The following DLGAP1 variants were observed in gnomAD, a reference collection of about 807,000 sequenced individuals.
DLGAP1 encodes the protein disks large-associated protein 1.
A neutral mutation model predicts 90.8 loss-of-function variants in DLGAP1; 11 were observed. The observed-to-expected ratio is 0.12, with a 90% CI of 0.08 to 0.20. The LOEUF is 0.20. DLGAP1 is among the 10% of genes least tolerant of loss of function. The pLI is 1.00. For synonymous variants in DLGAP1, 558 were observed against 540.7 expected (o/e 1.03, Z -0.44); for missense variants, 1,050 against 1,333.8 (o/e 0.79, Z 3.31).
chr18:3,618,512 C>G (rs565919384), intron 7 of DLGAP1, among the ~76,000 whole-genome samples: 1 of 151,018 alleles, frequency 6.6e-6, no homozygotes, highest in African/African-American at 2.4e-5. Context: ...AATAAATAAC[C>G]TGCAGGGAGT....
At chr18:3,579,444 A>C (rs2145343816) in intron 8 of DLGAP1, among the ~76,000 whole-genome samples, 1 of 152,300 alleles carries the variant, frequency 6.6e-6, no homozygotes, top group East Asian at 1.9e-4. Flanking sequence ...TCCCGACCTC[A>C]GGTGACCCAC....
intron 4 of DLGAP1, among the ~76,000 whole-genome samples, chr18:3,828,324 C>A (rs889378860): frequency 6.6e-6 from 1 of 152,094 alleles, no homozygotes; most frequent in African/African-American, 2.4e-5. Flanking sequence ...GGGCCAGGGG[C>A]AGTGGTGTTC....
intron 7 of DLGAP1, among the ~76,000 whole-genome samples, chr18:3,652,677 G>C (rs1328021008): frequency 1.3e-5 from 2 of 152,124 alleles, no homozygotes; most frequent in Non-Finnish European, 2.9e-5. Flanking sequence ...AGGCTCATCT[G>C]TTCCTATATT....
intron 7 of DLGAP1, chr18:3,603,224 G>C (rs2057162487): frequency 6.6e-6 from 1 of 152,136 alleles, no homozygotes; most frequent in African/African-American, 2.4e-5. Context: ...CAGGCACCTG[G>C]CTGCGAAGTA....
intron 2 of DLGAP1, among the ~76,000 whole-genome samples, chr18:4,026,318 C>A (rs1409644008): frequency 1.3e-5 from 2 of 152,220 alleles, no homozygotes; most frequent in Middle Eastern, 3.4e-3. Context: ...GTGAGATATC[C>A]ATATTCTAAA....
chr18:4,245,063 A>C (rs1436321056), intron 1 of DLGAP1, among the ~76,000 whole-genome samples: 1 of 152,194 alleles, frequency 6.6e-6, no homozygotes, highest in African/African-American at 2.4e-5. Context: ...GCAATTTCAC[A>C]TTGTTCAACT....
intron 6 of DLGAP1, among the ~76,000 whole-genome samples, chr18:3,741,005 C>T (rs1372335036): frequency 5.7e-5 from 7 of 123,800 alleles, no homozygotes; most frequent in South Asian, 5.8e-4. Context: ...CACCTCACCA[C>T]CACCACCACC....
intron 10 of DLGAP1, among the ~76,000 whole-genome samples, chr18:3,513,386 ACTC>A (rs1261001980): frequency 3.9e-5 from 6 of 152,224 alleles, no homozygotes; most frequent in African/African-American, 1.4e-4. Context: ...ATAGCCCTGA[ACTC>A]CTTGCCACAG....
intron 7 of DLGAP1, among the ~76,000 whole-genome samples, chr18:3,663,065 A>G (rs1449737024): frequency 6.6e-6 from 1 of 152,102 alleles, no homozygotes; most frequent in Admixed American, 6.5e-5. Context: ...TGAGGTCAGG[A>G]GTTCGAGATC....
intron 1 of DLGAP1, among the ~76,000 whole-genome samples, chr18:4,400,424 A>C (rs2082530796): frequency 3.3e-5 from 5 of 152,262 alleles, no homozygotes; most frequent in Admixed American, 3.3e-4. Flanking sequence ...ACCTGCTGCT[A>C]CAGCATCTGC....
chr18:4,274,730 TTGAG>T (rs1483860518), intron 1 of DLGAP1, among the ~76,000 whole-genome samples: 1 of 152,160 alleles, frequency 6.6e-6, no homozygotes, highest in Non-Finnish European at 1.5e-5. Flanking sequence ...ACCACAACAA[TTGAG>T]TATTTGAAAA....
chr18:3,895,162 G>T (rs750809740), intron 3 of DLGAP1, among the ~76,000 whole-genome samples: 1 of 151,998 alleles, frequency 6.6e-6, no homozygotes, highest in Non-Finnish European at 1.5e-5. Context: ...CGAGCAGTGC[G>T]TGCTCCACCA....
intron 5 of DLGAP1, among the ~76,000 whole-genome samples, chr18:3,779,974 C>T (rs1215415470): frequency 4.0e-5 from 6 of 151,768 alleles, no homozygotes; most frequent in African/African-American, 7.3e-5. Context: ...TTAGTAGATA[C>T]GGGGTTTCAC....
intron 3 of DLGAP1, among the ~76,000 whole-genome samples, chr18:3,991,105 A>G (rs2073958223): frequency 6.6e-6 from 1 of 152,080 alleles, no homozygotes; most frequent in South Asian, 2.1e-4. Context: ...AATCAGCATA[A>G]AACTTTATAG....
chr18:3,569,827 T>C (rs947124134), intron 8 of DLGAP1, among the ~76,000 whole-genome samples: 1 of 152,026 alleles, frequency 6.6e-6, no homozygotes, highest in African/African-American at 2.4e-5. Context: ...CATTCTCATA[T>C]AGGCATTCTC....
At position 3,513,810 on chromosome 18, in the gene DLGAP1, A is replaced by G. The variant is rs574896799; in HGVS notation, c.2480-5149T>C. On this transcript the variant is annotated intron_variant, in intron 10 of 12. Transcript: ENST00000315677. ...CCTGACTACATTCAAAGACCCAGCC[A>G]TTTAGAAGAGAGCATACCTCCTCTT... 2.0e-5 allele frequency among the ~76,000 whole-genome samples: 3 copies of G among 152,326 alleles called. No individual in the cohort carries two copies. The South Asian group carries it at 6.2e-4, about 32-fold the overall frequency.
chr18:3,906,701 G>A (rs2071915009), intron 3 of DLGAP1, among the ~76,000 whole-genome samples: 2 of 152,218 alleles, frequency 1.3e-5, no homozygotes. Flanking sequence ...CAAAGTAGCT[G>A]TGGGTGAGAC....
At chr18:3,645,924 GTCTT>G (rs1218529248) in intron 7 of DLGAP1, among the ~76,000 whole-genome samples, 4 of 152,314 alleles carry the variant, frequency 2.6e-5, no homozygotes, top group African/African-American at 9.6e-5. Context: ...TTTGGAAACA[GTCTT>G]TCTGTGCTTC....
intron 7 of DLGAP1, among the ~76,000 whole-genome samples, chr18:3,673,885 C>T (rs1444465630): frequency 6.6e-6 from 1 of 150,814 alleles, no homozygotes; most frequent in Non-Finnish European, 1.5e-5. Context: ...CTCTGTTGCC[C>T]AGGCTGGAGT....
Sources: allele counts gnomAD v4.1 joint callset (sites outside exome capture counted in the v4.1 genomes callset), GRCh38; gene constraint gnomAD v4.1.1; transcripts MANE v1.5; gene names NCBI Gene and HGNC (gene_info 2026-07-23, HGNC 2026-07-21).